CDKAL1: variants seen among roughly 807,000 people sequenced by gnomAD.
CDKAL1 encodes the protein CDKAL1 threonylcarbamoyladenosine tRNA methylthiotransferase.
Under a neutral mutation model 68.2 loss-of-function variants are expected in CDKAL1, and 32 were observed. The observed-to-expected ratio is 0.47, with a 90% CI of 0.35 to 0.63. The LOEUF is 0.63. Ranked by LOEUF, CDKAL1 falls within the 30% of genes least tolerant of loss-of-function variation. The pLI is 0.00. For synonymous variants in CDKAL1, 234 were observed against 244.3 expected (o/e 0.96, Z 0.39); for missense variants, 606 against 696.7 (o/e 0.87, Z 1.47).
At chr6:20,817,355 G>T (rs1777090149) in intron 8 of CDKAL1, among the ~76,000 whole-genome samples, 1 of 151,952 alleles carries the variant, frequency 6.6e-6, no homozygotes, top group South Asian at 2.1e-4. Flanking sequence ...TTACATTATT[G>T]TATTCATTTG....
chr6:21,206,074 G>A (rs1323948518), intron 15 of CDKAL1, among the ~76,000 whole-genome samples: 1 of 150,802 alleles, frequency 6.6e-6, no homozygotes, highest in Non-Finnish European at 1.5e-5. Context: ...CTTGTGATCC[G>A]CCCGCCTTAG....
chr6:20,827,468 T>C (rs886651834), intron 8 of CDKAL1, among the ~76,000 whole-genome samples: 2 of 152,176 alleles, frequency 1.3e-5, no homozygotes, highest in African/African-American at 4.8e-5. Flanking sequence ...TTATGAGATA[T>C]TAAAAGTATG....
intron 5 of CDKAL1, among the ~76,000 whole-genome samples, chr6:20,716,133 A>T (rs1772080211): frequency 6.6e-6 from 1 of 152,224 alleles, no homozygotes; most frequent in Admixed American, 6.5e-5. Flanking sequence ...TTTGGTGCAC[A>T]CTGTGATGAA....
At chr6:20,661,392 GTA>G (rs1349024003) in intron 5 of CDKAL1, among the ~76,000 whole-genome samples, 1 of 152,042 alleles carries the variant, frequency 6.6e-6, no homozygotes, top group Non-Finnish European at 1.5e-5. Context: ...AGAGTTTTTT[GTA>G]AAGTAGGGGG....
intron 13 of CDKAL1, among the ~76,000 whole-genome samples, chr6:21,148,367 TA>T (rs915912554): frequency 6.6e-6 from 1 of 152,138 alleles, no homozygotes; most frequent in East Asian, 1.9e-4. Flanking sequence ...TTAATCCTTC[TA>T]AAAAAATCCA....
intron 10 of CDKAL1, among the ~76,000 whole-genome samples, chr6:20,964,648 T>A (rs894765210): frequency 1.3e-5 from 2 of 152,052 alleles, no homozygotes; most frequent in East Asian, 1.9e-4. Context: ...GGCCTGTCAC[T>A]GGGGCCATGT....
chr6:20,674,752 A>G (rs1028742769), intron 5 of CDKAL1, among the ~76,000 whole-genome samples: 1 of 152,162 alleles, frequency 6.6e-6, no homozygotes, highest in African/African-American at 2.4e-5. Flanking sequence ...TCTGGTAACC[A>G]TGATTCTACT....
intron 9 of CDKAL1, among the ~76,000 whole-genome samples, chr6:20,947,252 G>T (rs1001054037): frequency 9.9e-5 from 15 of 152,120 alleles, no homozygotes; most frequent in Non-Finnish European, 2.2e-4. Flanking sequence ...TTATGATGGG[G>T]TCACATCCCA....
chr6:21,229,280 A>G (rs1779866227), intron 15 of CDKAL1, among the ~76,000 whole-genome samples: 1 of 152,044 alleles, frequency 6.6e-6, no homozygotes, highest in African/African-American at 2.4e-5. Context: ...TGCATTACCC[A>G]ATCCTTTGAA....
chr6:21,155,000 CAA>C (rs70993207), intron 13 of CDKAL1, among the ~76,000 whole-genome samples: 13,140 of 142,130 alleles, frequency 0.092, 767 homozygotes, highest in East Asian at 0.27. Flanking sequence ...CCACCCCCCC[CAA>C]AAAAAAAAAA....
chr6:20,704,275 A>G (rs1771502757), intron 5 of CDKAL1, among the ~76,000 whole-genome samples: 1 of 152,196 alleles, frequency 6.6e-6, no homozygotes, highest in Admixed American at 6.5e-5. Flanking sequence ...GAAAGGTAAC[A>G]TGTAAGTCTG....
intron 9 of CDKAL1, 81 bp from the exon 10 acceptor site, chr6:20,955,338 T>C: frequency 7.3e-7 from 1 of 1,367,782 alleles, no homozygotes; most frequent in Admixed American, 1.8e-5. Flanking sequence ...TGAGAAATAC[T>C]GCATTAAAAA....
At chr6:21,136,128 C>CTA (rs1241349090) in intron 13 of CDKAL1, among the ~76,000 whole-genome samples, 13 of 152,294 alleles carry the variant, frequency 8.5e-5, no homozygotes, top group Non-Finnish European at 1.5e-5. Context: ...TCAGGGAAAT[C>CTA]ACTGTAGGCC....
At chr6:20,781,286 C>G in intron 8 of CDKAL1, 21 bp downstream of exon 8, 1 of 1,589,862 alleles carries the variant, frequency 6.3e-7, no homozygotes, top group Non-Finnish European at 8.6e-7. Flanking sequence ...CTCAAACTTG[C>G]TCATAAAATA....
At chr6:21,094,766 C>G (rs943335764) in intron 12 of CDKAL1, among the ~76,000 whole-genome samples, 1 of 152,130 alleles carries the variant, frequency 6.6e-6, no homozygotes, top group Non-Finnish European at 1.5e-5. Context: ...ATACACAGAG[C>G]AGATACGCAA....
chr6:20,867,178 G>A (rs1388160531), intron 9 of CDKAL1, among the ~76,000 whole-genome samples: 4 of 152,070 alleles, frequency 2.6e-5, no homozygotes, highest in East Asian at 1.9e-4. Flanking sequence ...CCAGCATCTC[G>A]GCATTTGTAT....
chr6:20,981,104 A>G (rs796847239), intron 10 of CDKAL1, among the ~76,000 whole-genome samples: 2 of 152,302 alleles, frequency 1.3e-5, no homozygotes, highest in African/African-American at 4.8e-5. Context: ...TGGGTAACTG[A>G]GCAGGAGGAG....
chr6:20,749,769 G>C (rs1014480190), intron 6 of CDKAL1, among the ~76,000 whole-genome samples: 11 of 152,074 alleles, frequency 7.2e-5, no homozygotes, highest in East Asian at 3.9e-4. Context: ...AGAGGGTCTC[G>C]ATCTTCTGAC....
At chr6:21,194,285 C>T (rs555350270) in intron 13 of CDKAL1, among the ~76,000 whole-genome samples, 8 of 152,322 alleles carry the variant, frequency 5.3e-5, no homozygotes, top group African/African-American at 1.4e-4. Flanking sequence ...CAACCTCTTC[C>T]TTACTTGCAG....
Sources: gnomAD v4.1 joint callset for allele counts (sites outside exome capture counted in the v4.1 genomes callset) on GRCh38, gnomAD v4.1.1 for gene constraint, MANE v1.5 for transcripts, NCBI Gene and HGNC (gene_info 2026-07-23, HGNC 2026-07-21) for gene names.